Variants in MED13L observed in about 807,000 individuals in gnomAD.
MED13L encodes the protein mediator complex subunit 13L.
Under a neutral mutation model 220.9 loss-of-function variants are expected in MED13L, and 7 were observed. The ratio of observed to expected loss-of-function variants is 0.03; its 90% CI spans 0.02 to 0.06. The LOEUF is 0.06. Ranked by LOEUF, MED13L falls within the 10% of genes least tolerant of loss-of-function variation. MED13L has a pLI of 1.00. For synonymous variants in MED13L, 1,011 were observed against 1,015.2 expected, an observed-to-expected ratio of 1.00 and a Z score of 0.08; for missense variants, 1,965 against 2,760.5, an observed-to-expected ratio of 0.71 and a Z score of 6.46.
intron 16 of MED13L, among the ~76,000 whole-genome samples, chr12:115,992,704 C>A (rs1212293433): frequency 1.3e-5 from 2 of 152,228 alleles, no homozygotes; most frequent in African/African-American, 4.8e-5. Context: ...GAGTTTCCAG[C>A]TTCCAGCAGC....
chr12:115,984,133 C>T (rs1269696810), intron 20 of MED13L, 47 bp downstream of exon 20: 1 of 1,579,546 alleles, frequency 6.3e-7, no homozygotes, highest in South Asian at 1.1e-5. Flanking sequence ...GACGGATTTG[C>T]TATTTTACTT....
At chr12:116,194,503 A>G (rs1232679408) in intron 2 of MED13L, among the ~76,000 whole-genome samples, 1 of 152,168 alleles carries the variant, frequency 6.6e-6, no homozygotes, top group Admixed American at 6.5e-5. Context: ...TTTCCTAATC[A>G]TAGTAAAAAT....
intron 2 of MED13L, among the ~76,000 whole-genome samples, chr12:116,224,499 C>T (rs764449811): frequency 1.8e-4 from 27 of 152,202 alleles, no homozygotes; most frequent in Non-Finnish European, 3.5e-4. Flanking sequence ...TGTGTATATA[C>T]TCTCTCTTCT....
rs565613456 is a variant in MED13L, at chr12:116,087,861, T to C, written c.479+8808A>G. Among the ~76,000 whole-genome samples the C allele has an allele frequency of 8.5e-5, 13 of 152,318 alleles. No individual in the cohort carries two copies. The South Asian group carries it at 2.5e-3, about 29-fold the overall frequency. ...ATATAATAAAGATCTTTTATGTCTA[T>C]ACATTTTTTAAAAGATGGTACCCTC... is the stretch of plus-strand genomic sequence containing the variant. On this transcript the variant is annotated intron_variant, in intron 4 of 30. Transcript: ENST00000281928.
At chr12:116,072,681 T>A (rs928665895) in intron 4 of MED13L, among the ~76,000 whole-genome samples, 2 of 152,204 alleles carry the variant, frequency 1.3e-5, no homozygotes, top group African/African-American at 4.8e-5. Flanking sequence ...CTTGAACTCC[T>A]TGTTAAGCCA....
Position 116,228,770 on chromosome 12 carries a change from A to C in MED13L, c.310+8698T>G, listed in dbSNP as rs556629704. Among the ~76,000 whole-genome samples, 4 of 152,264 alleles carry C rather than the reference A, an allele frequency of 2.6e-5. No homozygotes were observed. In the South Asian group the frequency reaches 8.3e-4, roughly 32 times the overall value. On this transcript the variant is annotated intron_variant, in intron 2 of 30. Transcript: ENST00000281928. Reference sequence around the variant, plus strand: ...TGTTCTAATATATAATTCTTTCTCGAATTATTTAGGCCCTAAATTCTACCA... The same window carrying C: ...TGTTCTAATATATAATTCTTTCTCGCATTATTTAGGCCCTAAATTCTACCA...
chr12:116,271,192 A>C (rs1271862119), intron 1 of MED13L, among the ~76,000 whole-genome samples: 1 of 151,924 alleles, frequency 6.6e-6, no homozygotes, highest in Non-Finnish European at 1.5e-5. Flanking sequence ...AGCAAGTCTT[A>C]TGAAACAAAT....
intron 1 of MED13L, among the ~76,000 whole-genome samples, chr12:116,238,394 T>G (rs1489834177): frequency 4.6e-5 from 7 of 152,260 alleles, no homozygotes; most frequent in Admixed American, 4.6e-4. Flanking sequence ...GAACAAATAC[T>G]GTATCTTTGA....
intron 10 of MED13L, chr12:116,008,137 C>G: frequency 4.2e-6 from 2 of 479,172 alleles, no homozygotes; most frequent in Non-Finnish European, 7.2e-6. Context: ...AATTAACAAA[C>G]AGTAGGGCAA....
chr12:116,128,744 TA>T (rs1388673957), intron 2 of MED13L, among the ~76,000 whole-genome samples: 1 of 152,124 alleles, frequency 6.6e-6, no homozygotes, highest in African/African-American at 2.4e-5. Context: ...AATAACAAAA[TA>T]AAGTTACACA....
chr12:116,146,684 G>A (rs1182971885), intron 2 of MED13L, among the ~76,000 whole-genome samples: 1 of 151,816 alleles, frequency 6.6e-6, no homozygotes, highest in African/African-American at 2.4e-5. Context: ...TGGCCAACGT[G>A]AGGAAACCCC....
intron 2 of MED13L, among the ~76,000 whole-genome samples, chr12:116,129,030 T>C (rs1483232780): frequency 1.3e-5 from 2 of 152,208 alleles, no homozygotes; most frequent in Non-Finnish European, 2.9e-5. Flanking sequence ...ATTTTCTTCC[T>C]GGAAAATCAG....
chr12:116,004,008 T>C (rs138528127), intron 13 of MED13L, among the ~76,000 whole-genome samples: 2 of 152,336 alleles, frequency 1.3e-5, no homozygotes, highest in East Asian at 1.9e-4. Context: ...CATGTTAATA[T>C]TACTAAAAGT....
chr12:116,055,939 A>C (rs1868925547), intron 4 of MED13L, among the ~76,000 whole-genome samples: 1 of 152,098 alleles, frequency 6.6e-6, no homozygotes. Context: ...TGACAACACC[A>C]AAATGAGCTT....
At chr12:116,041,768 G>C (rs751663999) in intron 4 of MED13L, among the ~76,000 whole-genome samples, 2 of 152,194 alleles carry the variant, frequency 1.3e-5, no homozygotes, top group African/African-American at 4.8e-5. Flanking sequence ...CCGAGAGCCG[G>C]AGATTGCAGT....
At chr12:116,100,051 G>T (rs1223727442) in intron 3 of MED13L, among the ~76,000 whole-genome samples, 1 of 152,214 alleles carries the variant, frequency 6.6e-6, no homozygotes, top group East Asian at 1.9e-4. Context: ...TGACAGCAGA[G>T]AATTGCATGA....
chr12:116,024,773 CGGGGGGGG>C (rs796599611), intron 4 of MED13L, among the ~76,000 whole-genome samples: 2 of 5,116 alleles, frequency 3.9e-4, no homozygotes, highest in East Asian at 4.0e-3. Flanking sequence ...TTTGGCGGGG[CGGGGGGGG>C]GGGGGAGGTG....
chr12:116,059,868 C>G (rs112459412), intron 4 of MED13L, among the ~76,000 whole-genome samples: 1 of 151,894 alleles, frequency 6.6e-6, no homozygotes, highest in Non-Finnish European at 1.5e-5. Flanking sequence ...AAAGGAGGCA[C>G]GGAGAAAAAG....
Position 115,991,027 on chromosome 12 carries a change from G to A in MED13L, c.3927C>T (p.His1309=), listed in dbSNP as rs139460643. Reference sequence around the variant, plus strand: ...GTGTTCTGGGACACCTACCATTGCTGTGAGGCCAAGAGTGCACAGTGGCAC... The same window carrying A: ...GTGTTCTGGGACACCTACCATTGCTATGAGGCCAAGAGTGCACAGTGGCAC... The part of the protein sequence containing the change: ...VRSATVHSWP[H]SNVLDISMLS... The change falls in exon 17 of 31, where the codon CAC becomes CAT. Residue 1309 remains histidine, a synonymous_variant. Transcript: ENST00000281928. The surrounding 1 kb of genome is among the most constrained non-coding windows in gnomAD (Gnocchi z 7.7). The A allele has an allele frequency of 3.1e-6, 5 of 1,613,800 alleles. No homozygotes were observed. Among genetic ancestry groups the A allele is most frequent in the Non-Finnish European group, 4.2e-6 (5 of 1,179,960 alleles).
Sources: allele counts gnomAD v4.1 joint callset (sites outside exome capture counted in the v4.1 genomes callset), GRCh38; gene constraint gnomAD v4.1.1; non-coding constraint Gnocchi (gnomAD v3.1); transcripts MANE v1.5; gene names NCBI Gene and HGNC (gene_info 2026-07-23, HGNC 2026-07-21).